Variants in GABRB3 observed in about 807,000 individuals in gnomAD.
GABRB3 encodes gamma-aminobutyric acid type A receptor subunit beta3, also known as gamma-aminobutyric acid receptor subunit beta-3.
In GABRB3, 14 loss-of-function variants were observed where a neutral mutation model predicts 52.1. That is an observed-to-expected ratio of 0.27 (90% confidence interval 0.18 to 0.42). The LOEUF (loss-of-function observed/expected upper bound fraction) is 0.42. Ranked by LOEUF, GABRB3 falls within the 10% of genes least tolerant of loss-of-function variation. GABRB3 has a pLI of 1.00. For synonymous variants in GABRB3, 260 were observed against 232.3 expected (o/e 1.12, Z -1.08); for missense variants, 307 against 609.1 (o/e 0.50, Z 5.22).
chr15:26,571,804 C>T (rs894699627), intron 6 of GABRB3, among the ~76,000 whole-genome samples: 4 of 151,990 alleles, frequency 2.6e-5, no homozygotes, highest in Admixed American at 6.5e-5. Flanking sequence ...AGTAGAATGC[C>T]TTTGGGAAGT....
intron 3 of GABRB3, among the ~76,000 whole-genome samples, chr15:26,759,035 A>C (rs187087045): frequency 6.6e-6 from 1 of 152,262 alleles, no homozygotes; most frequent in African/African-American, 2.4e-5. Context: ...ATATAATCCT[A>C]ATCCTGACTG....
chr15:26,673,022 A>G (rs1863455), intron 3 of GABRB3, among the ~76,000 whole-genome samples: 18,664 of 152,216 alleles, frequency 0.12, 1,215 homozygotes, highest in African/African-American at 0.15. Context: ...TTGCATTTTA[A>G]GCAAAAATCA....
At chr15:26,685,568 T>C (rs2140655331) in intron 3 of GABRB3, among the ~76,000 whole-genome samples, 1 of 152,288 alleles carries the variant, frequency 6.6e-6, no homozygotes, top group Admixed American at 6.5e-5. Flanking sequence ...GAGATAGTTT[T>C]AGGTATCAAG....
chr15:26,645,767 C>A (rs1217876208), intron 3 of GABRB3, among the ~76,000 whole-genome samples: 1 of 152,084 alleles, frequency 6.6e-6, no homozygotes, highest in South Asian at 2.1e-4. Context: ...ATGACCACAG[C>A]AAGCAAGCAT....
At chr15:26,650,798 T>C (rs1231866410) in intron 3 of GABRB3, among the ~76,000 whole-genome samples, 1 of 152,080 alleles carries the variant, frequency 6.6e-6, no homozygotes, top group Non-Finnish European at 1.5e-5. Flanking sequence ...CCTGTGCCTA[T>C]AAAGACCCCA....
intron 3 of GABRB3, among the ~76,000 whole-genome samples, chr15:26,712,793 G>A (rs945599172): frequency 2.6e-5 from 4 of 152,248 alleles, no homozygotes; most frequent in Admixed American, 6.5e-5. Flanking sequence ...TGCCCTTGAG[G>A]AGACCACAGC....
At chr15:26,688,455 C>T (rs978601776) in intron 3 of GABRB3, among the ~76,000 whole-genome samples, 4 of 152,048 alleles carry the variant, frequency 2.6e-5, no homozygotes, top group Admixed American at 6.6e-5. Context: ...GACTCTATGC[C>T]GATACTGGTT....
intron 3 of GABRB3, among the ~76,000 whole-genome samples, chr15:26,745,791 G>C (rs565671614): frequency 6.6e-6 from 1 of 152,306 alleles, no homozygotes; most frequent in East Asian, 1.9e-4. Flanking sequence ...TGTAGCAATA[G>C]TTTCTTTCTG....
chr15:26,709,719 C>G (rs1057343591), intron 3 of GABRB3, among the ~76,000 whole-genome samples: 4 of 151,858 alleles, frequency 2.6e-5, no homozygotes, highest in Non-Finnish European at 5.9e-5. Context: ...GGGTTTCACC[C>G]TGTTAGCCAG....
chr15:26,674,167 C>T (rs759783102), intron 3 of GABRB3, among the ~76,000 whole-genome samples: 2 of 150,924 alleles, frequency 1.3e-5, no homozygotes, highest in Non-Finnish European at 3.0e-5. Context: ...TTTGGGAGGC[C>T]GAGGCGGGCC....
intron 4 of GABRB3, chr15:26,614,060 G>C (rs1189494793): frequency 2.0e-5 from 3 of 152,326 alleles, no homozygotes; most frequent in African/African-American, 7.2e-5. Context: ...GAAAGGGCAA[G>C]GTCAGGACTG....
chr15:26,682,503 C>G (rs1338150325), intron 3 of GABRB3, among the ~76,000 whole-genome samples: 1 of 152,166 alleles, frequency 6.6e-6, no homozygotes, highest in East Asian at 1.9e-4. Context: ...GGACAGCCCC[C>G]GAGCTTACTT....
Position 26,772,954 on chromosome 15 carries a change from G to A in GABRB3, c.9C>T (p.Gly3=). The change falls in exon 1 of 9, where the codon GGC becomes GGT. Residue 3 remains glycine, a synonymous_variant. Coordinates refer to ENST00000311550, the MANE Select transcript of GABRB3 (RefSeq NM_000814.6). MW[G]LAGGRLFGIF... Reference sequence around the variant, plus strand: ...TGCCGAAAAGCCTTCCTCCCGCAAGGCCCCACATCCCTCCGCCGCGCCCCG... The same window carrying A: ...TGCCGAAAAGCCTTCCTCCCGCAAGACCCCACATCCCTCCGCCGCGCCCCG... 1 of 1,450,822 alleles carries A rather than the reference G, an allele frequency of 6.9e-7. No homozygotes were observed. Among genetic ancestry groups the A allele is most frequent in the South Asian group, 1.3e-5 (1 of 75,830 alleles). The allele number at this position is 1,450,822 out of a possible 1,614,324, so 89.9% of individuals were successfully genotyped here.
chr15:26,744,989 G>T lies in GABRB3; in HGVS notation c.240+27413C>A, dbSNP rs150227353. On this transcript the variant is annotated intron_variant, in intron 3 of 8. Coordinates refer to ENST00000311550, the MANE Select transcript of GABRB3 (RefSeq NM_000814.6). ...TCTATGCAAGAAGCATGGTGCTAGAGAGGCCTCGGGGAACTTTTACTCATG... is the reference window on the plus strand; with the variant it reads ...TCTATGCAAGAAGCATGGTGCTAGATAGGCCTCGGGGAACTTTTACTCATG... Among the ~76,000 whole-genome samples, 630 of 152,292 alleles carry T rather than the reference G, an allele frequency of 4.1e-3. 2 individuals are homozygous for T. Among genetic ancestry groups the T allele is most frequent in the South Asian group, 8.5e-3 (41 of 4,822 alleles).
At chr15:26,772,545 TC>T (rs1891179081) in intron 2 of GABRB3, 76 bp from the exon 3 acceptor site, 1 of 1,506,132 alleles carries the variant, frequency 6.6e-7, no homozygotes, top group Non-Finnish European at 9.0e-7. Flanking sequence ...CTGGGGGCTA[TC>T]CCAGGAGGGG....
chr15:26,574,360 C>T (rs1190009494), intron 6 of GABRB3, among the ~76,000 whole-genome samples: 1 of 152,136 alleles, frequency 6.6e-6, no homozygotes, highest in African/African-American at 2.4e-5. Flanking sequence ...GATAGTTCCT[C>T]AAAAGGATGT....
chr15:26,679,456 T>C (rs912213750), intron 3 of GABRB3, among the ~76,000 whole-genome samples: 39 of 152,300 alleles, frequency 2.6e-4, no homozygotes, highest in Middle Eastern at 6.8e-3. Context: ...TGCTCTATGA[T>C]GTGGTGTCTA....
chr15:26,630,803 A>G lies in GABRB3; in HGVS notation c.241-9269T>C, dbSNP rs542860756. 3.3e-5 allele frequency among the ~76,000 whole-genome samples: 5 copies of G among 152,344 alleles called. No individual in the cohort carries two copies. In the South Asian group the frequency reaches 1.0e-3, roughly 32 times the overall value. ...GTGTGTGTATCAATCAGTTAGCACA[A>G]AACCCTGAAGTTCATGGGATGCGTG... On this transcript the variant is annotated intron_variant, in intron 3 of 8. Coordinates refer to ENST00000311550, the MANE Select transcript of GABRB3 (RefSeq NM_000814.6).
intron 3 of GABRB3, among the ~76,000 whole-genome samples, chr15:26,706,396 C>A: frequency 6.6e-6 from 1 of 151,876 alleles, no homozygotes; most frequent in South Asian, 2.1e-4. Flanking sequence ...TTTTCAAAAA[C>A]CTAGGTAATA....
Sources: allele counts gnomAD v4.1 joint callset (sites outside exome capture counted in the v4.1 genomes callset), GRCh38; gene constraint gnomAD v4.1.1; transcripts MANE v1.5; gene names NCBI Gene and HGNC (gene_info 2026-07-23, HGNC 2026-07-21).